Variants in NYAP2 observed in about 807,000 individuals in gnomAD.
The protein encoded by NYAP2 is neuronal tyrosine-phosphorylated phosphoinositide-3-kinase adapter 2.
NYAP2 carries 23 observed loss-of-function variants against 50.4 expected under a neutral mutation model. That is an observed-to-expected ratio of 0.46 (90% CI 0.33 to 0.65). The LOEUF (loss-of-function observed/expected upper bound fraction) is 0.65, where lower values mean the gene tolerates loss of function less well. NYAP2 is among the 30% of genes least tolerant of loss of function. The pLI is 0.02. For missense variants in NYAP2, 885 were observed against 861.0 expected (o/e 1.03, Z -0.35); for synonymous variants, 394 against 365.2 (o/e 1.08, Z -0.90).
chr2:225,556,801 G>A (rs536901704), intron 4 of NYAP2, among the ~76,000 whole-genome samples: 11 of 152,230 alleles, frequency 7.2e-5, no homozygotes, highest in African/African-American at 2.6e-4. Context: ...CTTTCCTGTA[G>A]CATACTTCCC....
intron 3 of NYAP2, among the ~76,000 whole-genome samples, chr2:225,488,594 G>A (rs749794354): frequency 6.6e-6 from 1 of 152,092 alleles, no homozygotes; most frequent in Non-Finnish European, 1.5e-5. Context: ...GGCTGGTCTC[G>A]AGCTCTCAGC....
downstream of NYAP2, among the ~76,000 whole-genome samples, chr2:225,657,040 A>G (rs966263792): frequency 1.3e-5 from 2 of 151,826 alleles, no homozygotes. Flanking sequence ...AGTGTGAGAA[A>G]GGCTAACAAC....
chr2:225,624,838 A>C (rs1046791120), intron 5 of NYAP2, among the ~76,000 whole-genome samples: 19 of 151,980 alleles, frequency 1.3e-4, no homozygotes, highest in African/African-American at 3.4e-4. Context: ...TTTGTTTTGT[A>C]CGTAAGAAAA....
At chr2:225,501,282 A>G (rs1360528376) in intron 3 of NYAP2, among the ~76,000 whole-genome samples, 1 of 152,224 alleles carries the variant, frequency 6.6e-6, no homozygotes, top group Non-Finnish European at 1.5e-5. Context: ...AAGTGTATGG[A>G]CAAACCAGAG....
At chr2:225,408,236 G>A (rs890089259) in intron 2 of NYAP2, among the ~76,000 whole-genome samples, 1 of 151,992 alleles carries the variant, frequency 6.6e-6, no homozygotes, top group African/African-American at 2.4e-5. Flanking sequence ...AGTGACCTAT[G>A]ATATGTTAGT....
chr2:225,674,535 T>C, the NYAP2 span, among the ~76,000 whole-genome samples: 1 of 152,024 alleles, frequency 6.6e-6, no homozygotes, highest in Non-Finnish European at 1.5e-5. Context: ...GCTACAGTGA[T>C]TAGCGGAGAA....
chr2:225,609,116 C>T (rs1692837843), intron 5 of NYAP2, among the ~76,000 whole-genome samples: 1 of 152,132 alleles, frequency 6.6e-6, no homozygotes, highest in African/African-American at 2.4e-5. Context: ...TATGTCATCT[C>T]TCCTACTAGA....
At chr2:225,554,292 A>G (rs1478794262) in intron 4 of NYAP2, among the ~76,000 whole-genome samples, 1 of 150,484 alleles carries the variant, frequency 6.6e-6, no homozygotes, top group African/African-American at 2.4e-5. Context: ...ATCTAAAACC[A>G]TATAAAACTG....
rs1574701766 is a variant in NYAP2 at position 225,599,046 on chromosome 2, C to A, written c.1618+16011C>A. On this transcript the variant is annotated intron_variant, in intron 5 of 6. Transcript: ENST00000636099. ...TTCCCTGGGCTTCAGCTTCCTTCCC[C>A]CACACCTCCTTCTCTCTCTCTCTCA... 2.0e-5 allele frequency among the ~76,000 whole-genome samples: 3 copies of A among 152,276 alleles called. No homozygotes were observed. In the South Asian group the frequency reaches 6.2e-4, roughly 32 times the overall value.
the NYAP2 span, among the ~76,000 whole-genome samples, chr2:225,671,151 CT>C: frequency 2.0e-5 from 3 of 152,054 alleles, no homozygotes; most frequent in Non-Finnish European, 4.4e-5. Flanking sequence ...CAAAAGATTC[CT>C]CTGTAGAATG....
At chr2:225,607,699 T>TTCTC (rs10672749) in intron 5 of NYAP2, among the ~76,000 whole-genome samples, 144,742 of 151,976 alleles carry the variant, frequency 0.95, 69,037 homozygotes, top group African/African-American at 0.99. Context: ...TATCAGTTGT[T>TTCTC]TATCAAAAGA....
intron 5 of NYAP2, among the ~76,000 whole-genome samples, chr2:225,592,003 G>A (rs1320981020): frequency 1.3e-5 from 2 of 152,136 alleles, no homozygotes; most frequent in African/African-American, 4.8e-5. Flanking sequence ...GCCCCTGAAG[G>A]CATGTGGTCT....
At chr2:225,579,052 GCA>G (rs746222840) in intron 4 of NYAP2, among the ~76,000 whole-genome samples, 6 of 151,556 alleles carry the variant, frequency 4.0e-5, no homozygotes, top group South Asian at 4.2e-4. Context: ...ACACGCGCGT[GCA>G]CACACACACA....
intron 3 of NYAP2, among the ~76,000 whole-genome samples, chr2:225,497,499 C>A (rs762474745): frequency 4.6e-5 from 7 of 152,176 alleles, no homozygotes; most frequent in Non-Finnish European, 8.8e-5. Flanking sequence ...CACTTCTCAG[C>A]TTTATCAGTT....
chr2:225,657,591 T>TAAAAAAA (rs78616843), downstream of NYAP2, among the ~76,000 whole-genome samples: 2 of 77,172 alleles, frequency 2.6e-5, no homozygotes, highest in Non-Finnish European at 2.8e-5. Context: ...AAAACTGCTC[T>TAAAAAAA]AAAAAAAAAA....
At chr2:225,462,703 G>A (rs1689852496) in intron 3 of NYAP2, among the ~76,000 whole-genome samples, 1 of 152,130 alleles carries the variant, frequency 6.6e-6, no homozygotes, top group Admixed American at 6.5e-5. Flanking sequence ...CAATCAGAAT[G>A]TCAGACAATA....
rs377613320 is a variant in NYAP2 at position 225,420,579 on chromosome 2, AGAG to A, written c.221+11482_221+11484del. Among the ~76,000 whole-genome samples the A allele has an allele frequency of 1.0e-3, 157 of 150,320 alleles. 1 individual carries two copies. Among genetic ancestry groups the A allele is most frequent in the African/African-American group, 3.7e-3 (149 of 40,772 alleles). On this transcript the variant is annotated intron_variant, in intron 3 of 6. Transcript: ENST00000636099. ...CGATAGCTGCTTTTTGCACAGGGAAAGAGGAGTTCTTTTTTCTTTTTCTTTTCT... is the reference window on the plus strand; with the variant it reads ...CGATAGCTGCTTTTTGCACAGGGAAAGAGTTCTTTTTTCTTTTTCTTTTCT...
intron 3 of NYAP2, among the ~76,000 whole-genome samples, chr2:225,502,855 T>A (rs774324066): frequency 6.6e-5 from 10 of 152,328 alleles, no homozygotes; most frequent in Non-Finnish European, 1.5e-4. Context: ...AGCCAGTGAC[T>A]TTCTGAGGAC....
At chr2:225,664,368 T>C in the NYAP2 span, among the ~76,000 whole-genome samples, 1 of 152,184 alleles carries the variant, frequency 6.6e-6, no homozygotes, top group East Asian at 1.9e-4. Context: ...GGAAATCTCT[T>C]GCTGTCTCAA....
Sources: allele counts gnomAD v4.1 joint callset (sites outside exome capture counted in the v4.1 genomes callset), GRCh38; gene constraint gnomAD v4.1.1; transcripts MANE v1.5; gene names NCBI Gene and HGNC (gene_info 2026-07-23, HGNC 2026-07-21).